IQCM: variants seen among roughly 807,000 people sequenced by gnomAD.
IQCM encodes IQ motif containing M.
IQCM carries 45 observed loss-of-function variants against 57.6 expected under a neutral mutation model. The observed-to-expected ratio is 0.78, with a 90% CI of 0.62 to 1.00. The LOEUF (loss-of-function observed/expected upper bound fraction) is 1.00, where lower values mean the gene tolerates loss of function less well. IQCM is among the 50% of genes least tolerant of loss of function. The pLI, the probability that IQCM is intolerant of heterozygous loss-of-function variation, is 0.00. For synonymous variants in IQCM, 148 were observed against 158.9 expected (o/e 0.93, Z 0.51); for missense variants, 468 against 511.6 (o/e 0.91, Z 0.82).
At chr4:149,635,262 G>A (rs1757623198) in intron 7 of IQCM, among the ~76,000 whole-genome samples, 1 of 152,192 alleles carries the variant, frequency 6.6e-6, no homozygotes, top group Non-Finnish European at 1.5e-5. Context: ...CTCACAGGGT[G>A]ACTGTTGAAG....
intron 9 of IQCM, among the ~76,000 whole-genome samples, chr4:149,565,876 A>T (rs147629487): frequency 2.0e-5 from 3 of 152,168 alleles, no homozygotes; most frequent in Non-Finnish European, 2.9e-5. Flanking sequence ...GCTCTTTTGT[A>T]TCAGTGGCTG....
intron 13 of IQCM, among the ~76,000 whole-genome samples, chr4:149,420,208 C>T (rs866849504): frequency 5.9e-5 from 9 of 152,046 alleles, no homozygotes; most frequent in African/African-American, 2.2e-4. Flanking sequence ...TTCATTGCAG[C>T]ACTATTCACA....
chr4:149,429,369 T>C (rs1290054477), intron 13 of IQCM, among the ~76,000 whole-genome samples: 1 of 151,922 alleles, frequency 6.6e-6, no homozygotes, highest in Non-Finnish European at 1.5e-5. Context: ...TTACTTGGTC[T>C]AAGATTATAA....
intron 12 of IQCM, among the ~76,000 whole-genome samples, chr4:149,518,245 T>A (rs542398120): frequency 6.6e-6 from 1 of 152,028 alleles, no homozygotes; most frequent in South Asian, 2.1e-4. Context: ...AGTAGGAGAG[T>A]GGAAATGAAA....
intron 5 of IQCM, among the ~76,000 whole-genome samples, chr4:149,705,637 C>T (rs981950738): frequency 4.6e-5 from 7 of 151,698 alleles, no homozygotes; most frequent in Non-Finnish European, 1.0e-4. Context: ...AGCAAAGATT[C>T]GAATTCAGTA....
intron 5 of IQCM, among the ~76,000 whole-genome samples, chr4:149,715,286 G>A (rs1199489056): frequency 6.6e-6 from 1 of 152,220 alleles, no homozygotes; most frequent in Non-Finnish European, 1.5e-5. Flanking sequence ...GAATTAGCGA[G>A]CACAGGGTTC....
chr4:149,598,154 G>A (rs1429734291), intron 8 of IQCM, among the ~76,000 whole-genome samples: 1 of 152,074 alleles, frequency 6.6e-6, no homozygotes, highest in African/African-American at 2.4e-5. Flanking sequence ...GTTCAAGAAG[G>A]AAAATTATCC....
At chr4:149,481,696 G>GTTTTTTTTTT (rs1197852884) in intron 12 of IQCM, among the ~76,000 whole-genome samples, 27 of 33,606 alleles carry the variant, frequency 8.0e-4, no homozygotes, top group South Asian at 1.4e-3. Context: ...GATTCTTCCA[G>GTTTTTTTTTT]TTTTGTTTTT....
intron 12 of IQCM, among the ~76,000 whole-genome samples, chr4:149,540,435 G>T (rs1747735393): frequency 1.3e-5 from 2 of 151,592 alleles, no homozygotes; most frequent in Admixed American, 1.3e-4. Context: ...CTATTTACAA[G>T]AAATTTTTGG....
At chr4:149,487,351 G>A (rs1579232007) in intron 12 of IQCM, among the ~76,000 whole-genome samples, 1 of 152,262 alleles carries the variant, frequency 6.6e-6, no homozygotes, top group Non-Finnish European at 1.5e-5. Flanking sequence ...TCTTTAAGCA[G>A]AAAGGATTCA....
At chr4:149,514,072 A>G (rs977008480) in intron 12 of IQCM, among the ~76,000 whole-genome samples, 8 of 152,120 alleles carry the variant, frequency 5.3e-5, no homozygotes, top group Non-Finnish European at 1.2e-4. Flanking sequence ...GGCATCTTGA[A>G]AAAGAGAAGA....
At chr4:149,615,599 T>TA (rs756542466) in intron 8 of IQCM, among the ~76,000 whole-genome samples, 15 of 152,132 alleles carry the variant, frequency 9.9e-5, no homozygotes, top group Non-Finnish European at 1.8e-4. Flanking sequence ...TAATTAGAAC[T>TA]AAAAACATAT....
chr4:149,573,054 A>G (rs1003937818), intron 9 of IQCM, among the ~76,000 whole-genome samples: 3 of 151,892 alleles, frequency 2.0e-5, no homozygotes, highest in African/African-American at 7.2e-5. Context: ...AAAAATTTAG[A>G]AACAAATATC....
At chr4:149,404,767 A>C (rs898419606) in intron 13 of IQCM, among the ~76,000 whole-genome samples, 3 of 152,104 alleles carry the variant, frequency 2.0e-5, no homozygotes, top group Admixed American at 6.6e-5. Flanking sequence ...AAAGAATTGT[A>C]CAGAAAATAT....
intron 5 of IQCM, among the ~76,000 whole-genome samples, chr4:149,703,727 G>A (rs1327522121): frequency 6.6e-6 from 1 of 151,902 alleles, no homozygotes; most frequent in Non-Finnish European, 1.5e-5. Context: ...TTAACAATAT[G>A]TAGAAAGCAG....
chr4:149,516,358 A>G (rs1482237000), intron 12 of IQCM, among the ~76,000 whole-genome samples: 3 of 152,170 alleles, frequency 2.0e-5, no homozygotes, highest in African/African-American at 7.2e-5. Flanking sequence ...CCTTACAACC[A>G]TCATGGTATT....
At chr4:149,473,380 A>G (rs1235614037) in intron 12 of IQCM, among the ~76,000 whole-genome samples, 1 of 152,254 alleles carries the variant, frequency 6.6e-6, no homozygotes, top group Non-Finnish European at 1.5e-5. Flanking sequence ...AAAAATGTTC[A>G]TCATCACTGG....
At chr4:149,636,532 C>A (rs2150105777) in intron 7 of IQCM, among the ~76,000 whole-genome samples, 1 of 152,218 alleles carries the variant, frequency 6.6e-6, no homozygotes, top group South Asian at 2.1e-4. Flanking sequence ...ATCTCCAATC[C>A]AAACACTGCA....
At chr4:149,388,312 T>C (rs547353123) in intron 13 of IQCM, among the ~76,000 whole-genome samples, 3 of 151,582 alleles carry the variant, frequency 2.0e-5, no homozygotes, top group South Asian at 4.1e-4. Flanking sequence ...TATAAGTAAG[T>C]CTTCCAATTT....
Sources: allele counts gnomAD v4.1 joint callset (sites outside exome capture counted in the v4.1 genomes callset), GRCh38; gene constraint gnomAD v4.1.1; transcripts MANE v1.5; gene names NCBI Gene and HGNC (gene_info 2026-07-23, HGNC 2026-07-21).